Variants in ZFYVE26 observed in about 807,000 individuals in gnomAD.
ZFYVE26 encodes the protein zinc finger FYVE domain-containing protein 26.
A neutral mutation model predicts 276.5 loss-of-function variants in ZFYVE26; 181 were observed. The ratio of observed to expected loss-of-function variants is 0.65; its 90% CI spans 0.58 to 0.74. ZFYVE26 has a LOEUF of 0.74. Among genes scored for constraint, ZFYVE26 ranks in the 30% least tolerant of loss-of-function variants. The probability of loss-of-function intolerance (pLI) is 0.00; values close to 1 mark genes in which losing one functional copy is unlikely to be tolerated. For missense variants in ZFYVE26, 2,821 were observed against 3,097.9 expected (o/e 0.91, Z 2.12); for synonymous variants, 1,129 against 1,203.1 (o/e 0.94, Z 1.27).
chr14:67,789,298 T>G (rs776168468), intron 16 of ZFYVE26, 37 bp downstream of exon 16: 9 of 1,612,962 alleles, frequency 5.6e-6, no homozygotes, highest in Non-Finnish European at 7.6e-6. Context: ...CCATCTCATT[T>G]GAGAATGAAG....
intron 10 of ZFYVE26, among the ~76,000 whole-genome samples, chr14:67,800,223 A>T (rs1275201415): frequency 6.6e-6 from 1 of 152,202 alleles, no homozygotes; most frequent in African/African-American, 2.4e-5. Flanking sequence ...GTAAAATGTG[A>T]CCTAGAAAAA....
At position 67,782,938 on chromosome 14, in the gene ZFYVE26, T is replaced by C; in HGVS notation, c.4214A>G (p.His1405Arg). The change falls in exon 21 of 42, where the codon CAT becomes CGT. Residue 1405 changes from histidine (H) to arginine (R), a missense_variant. His to Arg is a conservative substitution (Grantham distance 29). Transcript: ENST00000347230. ...ASLSTVLLGL[H>R]SPIALDVLSE... ...CAGTACATCTAGGGCAATGGGAGAA[T>C]GTAGGCCCAGGAGAACGGTAGAAAG... is the stretch of plus-strand genomic sequence containing the variant. 6.2e-7 allele frequency: 1 copy of C among 1,614,110 alleles called. No homozygotes were observed. Among genetic ancestry groups the C allele is most frequent in the Non-Finnish European group, 8.5e-7 (1 of 1,180,018 alleles).
At chr14:67,805,897 C>T (rs1594936955) in intron 6 of ZFYVE26, among the ~76,000 whole-genome samples, 2 of 152,268 alleles carry the variant, frequency 1.3e-5, no homozygotes, top group East Asian at 3.9e-4. Context: ...CATGGTGGCA[C>T]ATGCCTGTAA....
intron 27 of ZFYVE26, among the ~76,000 whole-genome samples, chr14:67,774,140 C>T (rs896042618): frequency 4.6e-5 from 7 of 152,166 alleles, no homozygotes; most frequent in Admixed American, 3.9e-4. Context: ...CAAACACATG[C>T]GGTCATGAAA....
intron 18 of ZFYVE26, 129 bp from the exon 19 acceptor site, chr14:67,785,406 T>C (rs1566884689): frequency 2.4e-6 from 2 of 831,042 alleles, no homozygotes; most frequent in Non-Finnish European, 2.0e-6. Flanking sequence ...GCCTGGACAC[T>C]ACACTTACAA....
rs1385035155 is a variant in ZFYVE26 at position 67,789,671 on chromosome 14, A to G, written c.2756-73T>C. 5.0e-6 allele frequency: 8 copies of G among 1,595,362 alleles called. No individual in the cohort carries two copies. The African/African-American group carries it at 1.1e-4, about 21-fold the overall frequency. On this transcript the variant is annotated intron_variant, in intron 15 of 41. Transcript: ENST00000347230. ...TACTACAACTTTTATTAGGTAAAGT[A>G]GTTACTTTCAAAATGTTTGAGGTTC...
Position 67,786,153 on chromosome 14 carries a change from G to A in ZFYVE26, c.3100C>T (p.Leu1034Phe). 6.2e-7 allele frequency: 1 copy of A among 1,611,672 alleles called. No individual in the cohort carries two copies. Among genetic ancestry groups the A allele is most frequent in the South Asian group, 1.1e-5 (1 of 91,006 alleles). Residue 1034 changes from leucine to phenylalanine, a missense_variant, in exon 17 of 42, where the codon CTC becomes TTC. Leu to Phe is a conservative substitution (Grantham distance 22). Coordinates refer to ENST00000347230, the MANE Select transcript of ZFYVE26 (RefSeq NM_015346.4). ...CTGGCTGACATAAGCAGATAATTGA[G>A]ACTCTTACTGATTTGCTGAAGAACA... is the stretch of plus-strand genomic sequence containing the variant. ...PVVLQQISKS[L>F]NYLLMSASQT...
chr14:67,766,401 T>C lies in ZFYVE26; in HGVS notation c.5837A>G (p.Asp1946Gly). Residue 1946 changes from aspartate (D) to glycine (G), a missense_variant, in exon 32 of 42, where the codon GAC becomes GGC. Coordinates refer to ENST00000347230, the MANE Select transcript of ZFYVE26 (RefSeq NM_015346.4). ...CAGCTGGTGACCACAGGCAATGCTG[T>C]CCCGGTGCAGATTCAGGATGGCAAT... The part of the protein sequence containing the change: ...LCIAILNLHR[D>G]SIACGHQLIE... 1.2e-6 allele frequency: 2 copies of C among 1,612,416 alleles called. No individual in the cohort carries two copies. Among genetic ancestry groups the C allele is most frequent in the Non-Finnish European group, 1.7e-6 (2 of 1,179,972 alleles).
rs10687512 is a variant in ZFYVE26 at position 67,759,622 on chromosome 14, C to CAAAAAAAAAAAAAAAA, written c.6588+1728_6588+1743dup. On this transcript the variant is annotated intron_variant, in intron 35 of 41. Coordinates refer to ENST00000347230, the MANE Select transcript of ZFYVE26 (RefSeq NM_015346.4). ...CTGGCAACAGAGCAAGACTCTGGCTCAAAAAAAAAAAAAAAAAGTGCATGG... is the reference window on the plus strand; with the variant it reads ...CTGGCAACAGAGCAAGACTCTGGCTCAAAAAAAAAAAAAAAAAAAAAAAAAAAAAAAAAGTGCATGG... Among the ~76,000 whole-genome samples the CAAAAAAAAAAAAAAAA allele has an allele frequency of 2.4e-3, 256 of 107,002 alleles. 7 individuals are homozygous for CAAAAAAAAAAAAAAAA. The highest frequency in any genetic ancestry group is 6.1e-3 in the Middle Eastern group (1 of 164). 70.2% of individuals were successfully genotyped at this position (107,002 alleles called of 152,430 possible). A position where few individuals can be genotyped will look rare whatever the true frequency, so the allele number is the denominator to read the frequency against.
chr14:67,757,746 A>G (rs1470165586), intron 35 of ZFYVE26, among the ~76,000 whole-genome samples: 2 of 141,738 alleles, frequency 1.4e-5, no homozygotes, highest in African/African-American at 5.3e-5. Context: ...ACAGAATCTC[A>G]CTCTGTAACC....
At chr14:67,781,566 T>C (rs1318301866) in intron 21 of ZFYVE26, 37 bp from the exon 22 acceptor site, 1 of 1,599,030 alleles carries the variant, frequency 6.3e-7, no homozygotes, top group African/African-American at 1.3e-5. Context: ...GCAGCAAGCG[T>C]GGGACCAGAA....
exon 14 of ZFYVE26, chr14:67,729,517 G>A: frequency 2.4e-6 from 2 of 819,370 alleles, no homozygotes; most frequent in Non-Finnish European, 4.1e-6. Flanking sequence ...CAAACAGAAT[G>A]CCGTTGCTTT....
intron 13 of ZFYVE26, among the ~76,000 whole-genome samples, chr14:67,731,055 G>A (rs1428850012): frequency 6.6e-6 from 1 of 151,950 alleles, no homozygotes; most frequent in African/African-American, 2.4e-5. Context: ...GTTAAATAAA[G>A]TACATATTTA....
Position 67,766,363 on chromosome 14 carries a change from A to T in ZFYVE26, c.5875T>A (p.Cys1959Ser). 6.2e-7 allele frequency: 1 copy of T among 1,613,080 alleles called. No individual in the cohort carries two copies. Among genetic ancestry groups the T allele is most frequent in the Non-Finnish European group, 8.5e-7 (1 of 1,180,014 alleles). ...ACGHQLIEHCCRLSKGLTNPE... is the reference protein window; with the variant it reads ...ACGHQLIEHCSRLSKGLTNPE... ...TTGGTGAGGCCCTTGGAGAGCCTGC[A>T]GCAGTGCTCAATCAGCTGGTGACCA... Residue 1959 changes from cysteine to serine, a missense_variant, in exon 32 of 42, where the codon TGC (cysteine) becomes AGC (serine). Coordinates refer to ENST00000347230, the MANE Select transcript of ZFYVE26 (RefSeq NM_015346.4).
At chr14:67,802,688 A>G (rs557580506) in intron 9 of ZFYVE26, among the ~76,000 whole-genome samples, 1 of 152,324 alleles carries the variant, frequency 6.6e-6, no homozygotes, top group Non-Finnish European at 1.5e-5. Flanking sequence ...CAGACTTAAA[A>G]TACTGTATTT....
chr14:67,746,171 C>T (rs1324533283), downstream of ZFYVE26, among the ~76,000 whole-genome samples: 3 of 152,074 alleles, frequency 2.0e-5, no homozygotes. Context: ...GAACTGTACA[C>T]TAGACACTGA....
chr14:67,811,402 C>A (rs1410070216), intron 3 of ZFYVE26, among the ~76,000 whole-genome samples: 1 of 152,058 alleles, frequency 6.6e-6, no homozygotes, highest in Admixed American at 6.5e-5. Flanking sequence ...CCGAGAGGAG[C>A]AAAAATTTAA....
At chr14:67,802,050 T>C in intron 10 of ZFYVE26, 29 bp downstream of exon 10, 1 of 1,611,366 alleles carries the variant, frequency 6.2e-7, no homozygotes, top group Non-Finnish European at 8.5e-7. Flanking sequence ...GTTATCAGCT[T>C]ATCTCACGGA....
Position 67,789,557 on chromosome 14 carries a change from GCAGCTTGTCAGTCACGTCAGAGATAGAGT to G in ZFYVE26, c.2768_2796del (p.Tyr923SerfsTer44). 6.2e-7 allele frequency: 1 copy of G among 1,614,174 alleles called. No homozygotes were observed. The highest frequency in any genetic ancestry group is 8.5e-7 in the Non-Finnish European group (1 of 1,180,038). On this transcript the variant is annotated frameshift_variant, in exon 16 of 42. Coordinates refer to ENST00000347230, the MANE Select transcript of ZFYVE26 (RefSeq NM_015346.4). LOFTEE classifies it high-confidence loss of function. ...GGGATGGGGTCTCCAGAGGTGTTGAGCAGCTTGTCAGTCACGTCAGAGATAGAGTAAAACACCATTCCTGGCCGCCCAGC... is the reference window on the plus strand; with the variant it reads ...GGGATGGGGTCTCCAGAGGTGTTGAGAAAACACCATTCCTGGCCGCCCAGC...
Sources: allele counts gnomAD v4.1 joint callset (sites outside exome capture counted in the v4.1 genomes callset), GRCh38; gene constraint gnomAD v4.1.1; transcripts MANE v1.5; gene names NCBI Gene and HGNC (gene_info 2026-07-23, HGNC 2026-07-21).